Variants in ZNF142 observed in about 807,000 individuals in gnomAD.
ZNF142 encodes zinc finger protein 142 (clone pHZ-49).
Under a neutral mutation model 132.1 loss-of-function variants are expected in ZNF142, and 96 were observed. The observed-to-expected ratio is 0.73, with a 90% confidence interval of 0.62 to 0.86. ZNF142 has a LOEUF of 0.86. Among genes scored for constraint, ZNF142 ranks in the 40% least tolerant of loss-of-function variants. ZNF142 has a pLI of 0.00. For synonymous variants in ZNF142, 842 were observed against 890.1 expected (o/e 0.95, Z 0.96); for missense variants, 2,163 against 2,336.2 (o/e 0.93, Z 1.53).
At chr2:218,650,252 G>A in intron 6 of ZNF142, 107 bp downstream of exon 6, 4 of 1,368,916 alleles carry the variant, frequency 2.9e-6, no homozygotes, top group Non-Finnish European at 4.1e-6. Flanking sequence ...CAGAATAAAA[G>A]GATCCGAACC....
In ZNF142 at chr2:218,650,498, TTC is replaced by T. The variant is rs1240691837; in HGVS notation, c.907_908del (p.Glu303ThrfsTer16). On this transcript the variant is annotated frameshift_variant, in exon 6 of 11. Transcript: ENST00000411696. LOFTEE classifies it high-confidence loss of function. ...PAPKLPPGER[E>X]PSQEAGTPLP... ...AGGGTGTACCTGCTTCCTGTGAAGG[TTC>T]TCTCTCTCCTGGAGGCAGTTTGGGA... is the stretch of plus-strand genomic sequence containing the variant. 7 of 1,605,146 alleles carry T rather than the reference TTC, an allele frequency of 4.4e-6. No homozygotes were observed. Among genetic ancestry groups the T allele is most frequent in the Non-Finnish European group, 6.0e-6 (7 of 1,175,888 alleles).
chr2:218,653,575 CAAA>C (rs34491963), intron 4 of ZNF142, among the ~76,000 whole-genome samples: 2 of 144,744 alleles, frequency 1.4e-5, no homozygotes, highest in African/African-American at 5.1e-5. Context: ...AACTCTATCT[CAAA>C]AAAAAAAAAA....
Position 218,656,358 on chromosome 2 carries a change from T to C in ZNF142, c.72A>G (p.Leu24=). The C allele has an allele frequency of 6.4e-7, 1 of 1,574,392 alleles. No homozygotes were observed. The highest frequency in any genetic ancestry group is 1.8e-5 in the Admixed American group (1 of 56,604). The change falls in exon 4 of 11, where the codon CTA becomes CTG. Residue 24 remains leucine, a synonymous_variant. Transcript: ENST00000411696. ...TAGAGAGAGGCGGGGGGATCAGCAATAGCTCAGGGCACAGTCCATCCATCT... is the reference window on the plus strand; with the variant it reads ...TAGAGAGAGGCGGGGGGATCAGCAACAGCTCAGGGCACAGTCCATCCATCT... ...TGEMDGLCPE[L]LLIPPPLSNR...
Position 218,635,684 on chromosome 2 carries a change from C to A in ZNF142, c.*2655G>T. On this transcript the variant is annotated 3_prime_UTR_variant, in exon 11 of 11. Transcript: ENST00000411696. Reference sequence around the variant, plus strand: ...GAATACTAGAAGAAAATATATTACCCATGGAGGATGTTTTACAAACCAAAA... The same window carrying A: ...GAATACTAGAAGAAAATATATTACCAATGGAGGATGTTTTACAAACCAAAA... 1.5e-6 allele frequency: 2 copies of A among 1,372,452 alleles called. No homozygotes were observed. Among genetic ancestry groups the A allele is most frequent in the Non-Finnish European group, 9.8e-7 (1 of 1,022,072 alleles). 85.0% of individuals were successfully genotyped at this position (1,372,452 alleles called of 1,614,324 possible). A position where few individuals can be genotyped will look rare whatever the true frequency, so the allele number is the denominator to read the frequency against.
chr2:218,635,882 C>G lies in ZNF142; in HGVS notation c.*2457G>C. ...CACTGGTGAAAGTGCAGATCTTTGG[C>G]GTTCGTCTAGACACAGCACGGCAGG... On this transcript the variant is annotated 3_prime_UTR_variant, in exon 11 of 11. Transcript: ENST00000411696. 1 of 1,613,910 alleles carries G rather than the reference C, an allele frequency of 6.2e-7. No homozygotes were observed. The highest frequency in any genetic ancestry group is 8.5e-7 in the Non-Finnish European group (1 of 1,179,886).
Position 218,634,746 on chromosome 2 carries a change from GT to G in ZNF142, c.*3592del. 7.9e-7 allele frequency: 1 copy of G among 1,272,026 alleles called. No individual in the cohort carries two copies. Among genetic ancestry groups the G allele is most frequent in the African/African-American group, 1.5e-5 (1 of 66,768 alleles). The allele number at this position is 1,272,026 out of a possible 1,614,324, so 78.8% of individuals were successfully genotyped here. A position where few individuals can be genotyped will look rare whatever the true frequency, so the allele number is the denominator to read the frequency against. On this transcript the variant is annotated 3_prime_UTR_variant, in exon 11 of 11. Transcript: ENST00000411696. This position sits in a 1 kb window ranked among gnomAD's most constrained non-coding sequence, Gnocchi z 4.0. ...CCGGATAGCCTATTAACAGTGTCTA[GT>G]TTTAGCTTTTGGAGCCAGCTGCCTA...
rs1424541677 is a variant in ZNF142 at position 218,634,634 on chromosome 2, C to T, written c.*3705G>A. On this transcript the variant is annotated 3_prime_UTR_variant, in exon 11 of 11. Transcript: ENST00000411696. The surrounding 1 kb of genome is among the most constrained non-coding windows in gnomAD (Gnocchi z 4.0). ...AGCCCAGACTCTCTTAATCCAGGTACAGTGGAAATAAACTGTTGGGAAGAA... is the reference window on the plus strand; with the variant it reads ...AGCCCAGACTCTCTTAATCCAGGTATAGTGGAAATAAACTGTTGGGAAGAA... The T allele has an allele frequency of 6.2e-7, 1 of 1,612,600 alleles. No individual in the cohort carries two copies. Among genetic ancestry groups the T allele is most frequent in the Admixed American group, 1.7e-5 (1 of 59,680 alleles).
chr2:218,657,004 G>A (rs996588991), intron 3 of ZNF142, among the ~76,000 whole-genome samples: 1 of 152,042 alleles, frequency 6.6e-6, no homozygotes, highest in Non-Finnish European at 1.5e-5. Flanking sequence ...TTTTAACAGC[G>A]ATGGAGTTTC....
chr2:218,641,839 AT>A (rs1489030314), intron 9 of ZNF142, among the ~76,000 whole-genome samples, 188 bp downstream of exon 9: 2 of 152,252 alleles, frequency 1.3e-5, no homozygotes, highest in African/African-American at 4.8e-5. Flanking sequence ...ATGGAACTTT[AT>A]CTTTACAACA....
In ZNF142 at chr2:218,650,481, C is replaced by A; in HGVS notation, c.926G>T (p.Gly309Val). ...TGTCTCCTGCCCAGGCAAGGGTGTA[C>A]CTGCTTCCTGTGAAGGTTCTCTCTC... ...PGEREPSQEAGTPLPGQETAE... is the reference protein window; with the variant it reads ...PGEREPSQEAVTPLPGQETAE... The change falls in exon 6 of 11, where the codon GGT becomes GTT. Residue 309 changes from glycine to valine, a missense_variant. Gly to Val is a moderately radical substitution (Grantham distance 109). Coordinates refer to ENST00000411696, the MANE Select transcript of ZNF142 (RefSeq NM_001379659.1). 6.2e-7 allele frequency: 1 copy of A among 1,609,220 alleles called. No homozygotes were observed. Among genetic ancestry groups the A allele is most frequent in the South Asian group, 1.1e-5 (1 of 90,404 alleles).
chr2:218,656,421 G>C lies in ZNF142; in HGVS notation c.9C>G (p.Asp3Glu). 1 of 1,425,086 alleles carries C rather than the reference G, an allele frequency of 7.0e-7. No individual in the cohort carries two copies. The highest frequency in any genetic ancestry group is 2.5e-5 in the Admixed American group (1 of 39,752). The allele number at this position is 1,425,086 out of a possible 1,614,324, so 88.3% of individuals were successfully genotyped here. ...TGGCTGGCTGTGAGTCCAAAAGGGG[G>C]TCTGTCATCACCACCGACTTGTGTG... The part of the protein sequence containing the change: MT[D>E]PLLDSQPASS... Residue 3 changes from aspartate to glutamate, a missense_variant, in exon 4 of 11, where the codon GAC becomes GAG. Asp to Glu is a conservative substitution (Grantham distance 45). Transcript: ENST00000411696.
Position 218,649,156 on chromosome 2 carries a change from T to C in ZNF142, c.1352A>G (p.Asp451Gly). 6.2e-7 allele frequency: 1 copy of C among 1,614,164 alleles called. No individual in the cohort carries two copies. The change falls in exon 7 of 11, where the codon GAC becomes GGC. Residue 451 changes from aspartate to glycine, a missense_variant. By Grantham distance (94) the Asp-to-Gly change is moderately conservative (BLOSUM62 -1). This residue lies in a region of ZNF142 where 749 missense variants were observed against 830.3 expected (regional missense o/e 0.90). Transcript: ENST00000411696. Reference sequence around the variant, plus strand: ...ACGGCAGACAGGACAGGCATAGGTGTCTGAGTAGAAGTTGGAAATATCTTC... The same window carrying C: ...ACGGCAGACAGGACAGGCATAGGTGCCTGAGTAGAAGTTGGAAATATCTTC... Reference protein sequence around the residue: ...MHEDISNFYSDTYACPVCREE... With the variant: ...MHEDISNFYSGTYACPVCREE...
chr2:218,656,436 C>T lies in ZNF142; in HGVS notation c.-7G>A, dbSNP rs1295131586. 16 of 1,402,898 alleles carry T rather than the reference C, an allele frequency of 1.1e-5. 1 individual carries two copies. The South Asian group carries it at 1.7e-4, about 15-fold the overall frequency. 86.9% of individuals were successfully genotyped at this position (1,402,898 alleles called of 1,614,324 possible). A position where few individuals can be genotyped will look rare whatever the true frequency, so the allele number is the denominator to read the frequency against. ...CCAAAAGGGGGTCTGTCATCACCAC[C>T]GACTTGTGTGTTTTGGCTTCTTAAA... On this transcript the variant is annotated 5_prime_UTR_variant, in exon 4 of 11. Transcript: ENST00000411696.
In ZNF142 at chr2:218,636,074, T is replaced by A; in HGVS notation, c.*2265A>T. On this transcript the variant is annotated 3_prime_UTR_variant, in exon 11 of 11. Coordinates refer to ENST00000411696, the MANE Select transcript of ZNF142 (RefSeq NM_001379659.1). The stretch of plus-strand genomic sequence containing the variant: ...GGAACAGTACAAAGAATCCTGGCTC[T>A]TCACTTAAAAGCTCCAGTGACCTGG... 3 of 1,446,994 alleles carry A rather than the reference T, an allele frequency of 2.1e-6. No individual in the cohort carries two copies. The highest frequency in any genetic ancestry group is 2.8e-6 in the Non-Finnish European group (3 of 1,061,426). The allele number at this position is 1,446,994 out of a possible 1,614,324, so 89.6% of individuals were successfully genotyped here. A position where few individuals can be genotyped will look rare whatever the true frequency, so the allele number is the denominator to read the frequency against.
intron 4 of ZNF142, among the ~76,000 whole-genome samples, chr2:218,653,344 G>A (rs1313281146): frequency 2.0e-5 from 3 of 151,950 alleles, no homozygotes; most frequent in Non-Finnish European, 4.4e-5. Context: ...TTGGAAGGAC[G>A]AGGTGGGTGG....
In ZNF142 at chr2:218,649,124, AT is replaced by A. The variant is rs781607413; in HGVS notation, c.1383del (p.Glu461AspfsTer8). On this transcript the variant is annotated frameshift_variant, in exon 7 of 11. Transcript: ENST00000411696. LOFTEE classifies it high-confidence loss of function. ...DTYACPVCRE[E>X]FRLSQALKEH... ...TCCTTTAGGGCCTGGCTGAGGCGGA[AT>A]TCCTCACGGCAGACAGGACAGGCAT... The A allele has an allele frequency of 6.2e-7, 1 of 1,614,152 alleles. No homozygotes were observed. Among genetic ancestry groups the A allele is most frequent in the South Asian group, 1.1e-5 (1 of 91,086 alleles).
intron 4 of ZNF142, among the ~76,000 whole-genome samples, chr2:218,652,586 A>G (rs1938109579): frequency 6.6e-6 from 1 of 152,232 alleles, no homozygotes; most frequent in Admixed American, 6.5e-5. Context: ...TTAAGACAGT[A>G]TATTTTGCCC....
rs746301204 is a variant in ZNF142 at position 218,656,372 on chromosome 2, G to A, written c.58C>T (p.Leu20=). Reference sequence around the variant, plus strand: ...GGGATCAGCAATAGCTCAGGGCACAGTCCATCCATCTCCCCGGTGCTACTG... The same window carrying A: ...GGGATCAGCAATAGCTCAGGGCACAATCCATCCATCTCCCCGGTGCTACTG... The part of the protein sequence containing the change: ...PASSTGEMDG[L]CPELLLIPPP... The change falls in exon 4 of 11, where the codon CTG becomes TTG. Residue 20 remains leucine, a synonymous_variant. Coordinates refer to ENST00000411696, the MANE Select transcript of ZNF142 (RefSeq NM_001379659.1). 2.0e-6 allele frequency: 3 copies of A among 1,505,934 alleles called. No individual in the cohort carries two copies. The highest frequency in any genetic ancestry group is 2.7e-6 in the Non-Finnish European group (3 of 1,116,092). The allele number at this position is 1,505,934 out of a possible 1,614,324, so 93.3% of individuals were successfully genotyped here.
chr2:218,651,800 T>C lies in ZNF142; in HGVS notation c.781A>G (p.Asn261Asp). Reference protein sequence around the residue: ...HCSHCSFIGSNVKLFRQHQRS... With the variant: ...HCSHCSFIGSDVKLFRQHQRS... ...TGATGCTGCCGGAAGAGTTTGACGT[T>C]GGAGCCTATGAAGCTGCAGTGGCTG... Residue 261 changes from asparagine (N) to aspartate (D), a missense_variant, in exon 5 of 11, where the codon AAC (asparagine) becomes GAC (aspartate). This residue lies in a region of ZNF142 where 63 missense variants were observed against 104.1 expected (regional missense o/e 0.61). Coordinates refer to ENST00000411696, the MANE Select transcript of ZNF142 (RefSeq NM_001379659.1). 1 of 1,289,884 alleles carries C rather than the reference T, an allele frequency of 7.8e-7. No individual in the cohort carries two copies. The highest frequency in any genetic ancestry group is 1.0e-6 in the Non-Finnish European group (1 of 988,888). The allele number at this position is 1,289,884 out of a possible 1,614,324, so 79.9% of individuals were successfully genotyped here. A position where few individuals can be genotyped will look rare whatever the true frequency, so the allele number is the denominator to read the frequency against.
Sources: allele counts gnomAD v4.1 joint callset (sites outside exome capture counted in the v4.1 genomes callset), GRCh38; gene constraint gnomAD v4.1.1; regional missense constraint gnomAD v4.1.1; non-coding constraint Gnocchi (gnomAD v3.1); transcripts MANE v1.5; gene names NCBI Gene and HGNC (gene_info 2026-07-23, HGNC 2026-07-21).